The following ZMAT4 variants were observed in gnomAD, a reference collection of about 807,000 sequenced individuals.
ZMAT4 encodes zinc finger matrin-type 4.
In ZMAT4, 17 loss-of-function variants were observed where a neutral mutation model predicts 28.7. The observed-to-expected ratio is 0.59, with a 90% confidence interval of 0.41 to 0.89. ZMAT4 has a LOEUF of 0.89. ZMAT4 is among the 40% of genes least tolerant of loss of function. The pLI is 0.00. For missense variants in ZMAT4, 240 were observed against 283.8 expected, an observed-to-expected ratio of 0.85 and a Z score of 1.11; for synonymous variants, 117 against 109.2, an observed-to-expected ratio of 1.07 and a Z score of -0.44.
intron 1 of ZMAT4, among the ~76,000 whole-genome samples, chr8:40,861,153 G>A (rs1342493179): frequency 6.6e-6 from 1 of 152,184 alleles, no homozygotes; most frequent in East Asian, 1.9e-4. Context: ...GGCCAGGGGG[G>A]ACCCTGTCTC....
intron 4 of ZMAT4, among the ~76,000 whole-genome samples, chr8:40,690,105 G>A (rs138314041): frequency 6.0e-4 from 92 of 152,194 alleles, no homozygotes; most frequent in African/African-American, 2.0e-3. Flanking sequence ...ATGACCCAGC[G>A]CAGAAAAATT....
intron 2 of ZMAT4, among the ~76,000 whole-genome samples, chr8:40,774,812 A>G (rs532427610): frequency 6.6e-6 from 1 of 152,256 alleles, no homozygotes; most frequent in South Asian, 2.1e-4. Context: ...AAGGATTAGC[A>G]TTGTTTATAT....
At chr8:40,884,076 G>C (rs2150666159) in intron 1 of ZMAT4, among the ~76,000 whole-genome samples, 1 of 152,272 alleles carries the variant, frequency 6.6e-6, no homozygotes, top group African/African-American at 2.4e-5. Flanking sequence ...GGGAGCATTT[G>C]TCTCCACCAC....
At chr8:40,695,497 C>T (rs557151580) in intron 4 of ZMAT4, among the ~76,000 whole-genome samples, 33 of 152,220 alleles carry the variant, frequency 2.2e-4, no homozygotes, top group Non-Finnish European at 4.0e-4. Context: ...TGCACCACAC[C>T]CTATTCGTTC....
At chr8:40,874,300 T>C (rs1018672387) in intron 1 of ZMAT4, among the ~76,000 whole-genome samples, 2 of 152,222 alleles carry the variant, frequency 1.3e-5, no homozygotes, top group Non-Finnish European at 2.9e-5. Context: ...AGATCAGCAC[T>C]GGGCATTCTT....
intron 5 of ZMAT4, among the ~76,000 whole-genome samples, chr8:40,662,916 C>CA (rs2118861173): frequency 6.6e-6 from 1 of 152,284 alleles, no homozygotes; most frequent in South Asian, 2.1e-4. Context: ...TCCCCCTTGA[C>CA]CTCTGCCTTG....
At chr8:40,678,097 T>C (rs1808986811) in intron 4 of ZMAT4, among the ~76,000 whole-genome samples, 1 of 152,274 alleles carries the variant, frequency 6.6e-6, no homozygotes, top group East Asian at 1.9e-4. Flanking sequence ...TGAGAACAAA[T>C]GATCTAAATA....
chr8:40,888,214 G>A (rs1022766594), intron 1 of ZMAT4, among the ~76,000 whole-genome samples: 7 of 152,212 alleles, frequency 4.6e-5, no homozygotes, highest in Non-Finnish European at 8.8e-5. Context: ...AGGTAGGCCA[G>A]CAGGAAGCCC....
intron 5 of ZMAT4, among the ~76,000 whole-genome samples, chr8:40,608,499 T>C (rs945857775): frequency 3.3e-5 from 5 of 152,142 alleles, no homozygotes; most frequent in African/African-American, 1.2e-4. Flanking sequence ...GCTACAAGCC[T>C]CCCTGCTGAG....
chr8:40,596,628 A>G (rs1163212173), intron 5 of ZMAT4, among the ~76,000 whole-genome samples: 4 of 152,226 alleles, frequency 2.6e-5, no homozygotes, highest in African/African-American at 4.8e-5. Context: ...TTGTGAGAAC[A>G]CCATCATATA....
intron 2 of ZMAT4, among the ~76,000 whole-genome samples, chr8:40,800,925 A>T (rs28782244): frequency 0.21 from 32,486 of 152,012 alleles, 3,683 homozygotes; most frequent in Non-Finnish European, 0.25. Flanking sequence ...GAAAATTATC[A>T]CAACCAAATG....
At chr8:40,686,009 G>A (rs1370461811) in intron 4 of ZMAT4, among the ~76,000 whole-genome samples, 1 of 152,106 alleles carries the variant, frequency 6.6e-6, no homozygotes, top group Non-Finnish European at 1.5e-5. Flanking sequence ...ACAGCGTAGG[G>A]ATGGGCTTCA....
At chr8:40,606,368 G>A (rs1239200638) in intron 5 of ZMAT4, among the ~76,000 whole-genome samples, 1 of 152,114 alleles carries the variant, frequency 6.6e-6, no homozygotes, top group Non-Finnish European at 1.5e-5. Context: ...TGTAGAGCTG[G>A]CTTGGTAGTG....
chr8:40,846,729 C>T (rs530140638), intron 1 of ZMAT4, among the ~76,000 whole-genome samples: 5 of 152,266 alleles, frequency 3.3e-5, no homozygotes, highest in African/African-American at 1.2e-4. Flanking sequence ...AGGGCAGACC[C>T]GCACAGCTGC....
At chr8:40,562,434 G>T (rs901366482) in intron 6 of ZMAT4, among the ~76,000 whole-genome samples, 2 of 151,930 alleles carry the variant, frequency 1.3e-5, no homozygotes, top group Admixed American at 6.6e-5. Context: ...TTCCAAAAAA[G>T]ACTACTTTTA....
At chr8:40,583,877 G>A (rs1210094135) in intron 5 of ZMAT4, among the ~76,000 whole-genome samples, 1 of 152,108 alleles carries the variant, frequency 6.6e-6, no homozygotes, top group African/African-American at 2.4e-5. Context: ...ATTTAGTCTG[G>A]CTCAGCAAAT....
In ZMAT4 at chr8:40,799,260, G is replaced by T. The variant is rs1292414637; in HGVS notation, c.102+26315C>A. 1.1e-4 allele frequency among the ~76,000 whole-genome samples: 17 copies of T among 152,296 alleles called. 1 individual carries two copies. In the East Asian group the frequency reaches 2.7e-3, roughly 24 times the overall value. ...ATGGATGGATGGAGACAGATAGAGA[G>T]AGAGGGAGACAGATAGAGAGAAAGA... On this transcript the variant is annotated intron_variant, in intron 2 of 6. Coordinates refer to ENST00000297737, the MANE Select transcript of ZMAT4 (RefSeq NM_024645.3).
intron 5 of ZMAT4, among the ~76,000 whole-genome samples, chr8:40,608,299 T>G (rs1235434685): frequency 1.3e-5 from 2 of 152,136 alleles, no homozygotes; most frequent in Non-Finnish European, 2.9e-5. Flanking sequence ...GGGAGTTATG[T>G]TCCTAGGGGA....
At position 40,695,768 on chromosome 8, in the gene ZMAT4, ATTTTTTTTTTTTTTTT is replaced by A. The variant is rs756360990; in HGVS notation, c.349+1461_349+1476del. ...AAAGAACTGGTTTTGCCATGTGGCA[ATTTTTTTTTTTTTTTT>A]TTTTTTTTTTTTTTTTTTTGCAGAA... On this transcript the variant is annotated intron_variant, in intron 4 of 6. Coordinates refer to ENST00000297737, the MANE Select transcript of ZMAT4 (RefSeq NM_024645.3). Among the ~76,000 whole-genome samples the A allele has an allele frequency of 9.1e-4, 53 of 58,504 alleles. 1 individual carries two copies. The highest frequency in any genetic ancestry group is 3.3e-3 in the Admixed American group (13 of 3,910). The allele number at this position is 58,504 out of a possible 152,430, so 38.4% of individuals were successfully genotyped here. A position where few individuals can be genotyped will look rare whatever the true frequency, so the allele number is the denominator to read the frequency against.
Sources: gnomAD v4.1 joint callset for allele counts (sites outside exome capture counted in the v4.1 genomes callset) on GRCh38, gnomAD v4.1.1 for gene constraint, MANE v1.5 for transcripts, NCBI Gene and HGNC (gene_info 2026-07-23, HGNC 2026-07-21) for gene names.